The following ZNF521 variants were observed in gnomAD, a reference collection of about 807,000 sequenced individuals.
The protein encoded by ZNF521 is zinc finger protein 521, also known as LYST-interacting protein 3.
In ZNF521, 14 loss-of-function variants were observed where a neutral mutation model predicts 105.5. The ratio of observed to expected loss-of-function variants is 0.13; its 90% confidence interval spans 0.09 to 0.21. The LOEUF is 0.21. ZNF521 is among the 10% of genes least tolerant of loss of function. ZNF521 has a pLI of 1.00. For synonymous variants in ZNF521, 635 were observed against 606.0 expected, an observed-to-expected ratio of 1.05 and a Z score of -0.70; for missense variants, 1,233 against 1,629.7, an observed-to-expected ratio of 0.76 and a Z score of 4.19.
At chr18:25,171,841 C>A (rs2035454365) in intron 5 of ZNF521, among the ~76,000 whole-genome samples, 1 of 152,060 alleles carries the variant, frequency 6.6e-6, no homozygotes, top group Admixed American at 6.6e-5. Flanking sequence ...ACAATCTTGG[C>A]ATTCTCTGGC....
rs374855508 is a variant in ZNF521, at chr18:25,062,662, T to C, written c.*50A>G. The C allele has an allele frequency of 1.2e-5, 18 of 1,561,278 alleles. No homozygotes were observed. Among genetic ancestry groups the C allele is most frequent in the Non-Finnish European group, 1.6e-5 (18 of 1,160,970 alleles). On this transcript the variant is annotated 3_prime_UTR_variant, in exon 8 of 8. Transcript: ENST00000361524. The stretch of plus-strand genomic sequence containing the variant: ...AGTTTCGTGCAAAGAGTAAAACATG[T>C]TCCCTTTTTGTGCCACAAAATCAAT...
intron 2 of ZNF521, among the ~76,000 whole-genome samples, chr18:25,324,848 G>A (rs538107008): frequency 1.3e-5 from 2 of 152,222 alleles, no homozygotes; most frequent in South Asian, 4.2e-4. Context: ...TGATGGCTTC[G>A]CTCTCAAAAG....
intron 5 of ZNF521, among the ~76,000 whole-genome samples, chr18:25,154,978 A>T (rs2035115668): frequency 2.0e-5 from 3 of 152,136 alleles, no homozygotes. Flanking sequence ...ACTGTTTTCT[A>T]TAATGGTTGC....
chr18:25,179,729 C>T (rs1190597553), intron 5 of ZNF521, among the ~76,000 whole-genome samples: 1 of 152,140 alleles, frequency 6.6e-6, no homozygotes, highest in Admixed American at 6.5e-5. Flanking sequence ...GTATTCATTT[C>T]ACTTTTGTAC....
intron 7 of ZNF521, among the ~76,000 whole-genome samples, chr18:25,067,693 T>C (rs945694899): frequency 7.2e-5 from 11 of 152,198 alleles, no homozygotes; most frequent in Non-Finnish European, 1.2e-4. Flanking sequence ...ACATCAATGA[T>C]GAAATTCAGC....
chr18:25,215,146 T>C (rs1354188662), intron 4 of ZNF521, among the ~76,000 whole-genome samples: 1 of 152,104 alleles, frequency 6.6e-6, no homozygotes, highest in Admixed American at 6.6e-5. Flanking sequence ...AATAATGAGG[T>C]AATAGGAAAT....
chr18:25,175,550 A>G (rs2035522792), intron 5 of ZNF521, among the ~76,000 whole-genome samples: 1 of 152,190 alleles, frequency 6.6e-6, no homozygotes, highest in South Asian at 2.1e-4. Context: ...CCTTCCCCTT[A>G]TTGCTGTTAA....
chr18:25,193,451 A>C (rs748053175), intron 5 of ZNF521, among the ~76,000 whole-genome samples: 1 of 152,086 alleles, frequency 6.6e-6, no homozygotes, highest in African/African-American at 2.4e-5. Flanking sequence ...AATTTCCCAT[A>C]AACTGCAGAC....
At chr18:25,149,667 A>T (rs764268930) in intron 5 of ZNF521, among the ~76,000 whole-genome samples, 1 of 152,162 alleles carries the variant, frequency 6.6e-6, no homozygotes, top group African/African-American at 2.4e-5. Flanking sequence ...TAAATTTTGT[A>T]TGACATTTCT....
intron 5 of ZNF521, among the ~76,000 whole-genome samples, chr18:25,116,982 TATAC>T (rs1160542094): frequency 1.5e-4 from 22 of 145,146 alleles, no homozygotes; most frequent in Middle Eastern, 3.6e-3. Flanking sequence ...TGTATATATA[TATAC>T]ACACACACAT....
intron 3 of ZNF521, among the ~76,000 whole-genome samples, chr18:25,316,908 G>A (rs1173910978): frequency 1.4e-5 from 2 of 146,924 alleles, no homozygotes; most frequent in Admixed American, 6.9e-5. Context: ...AGGCTAGAGA[G>A]CAATGACACG....
intron 3 of ZNF521, among the ~76,000 whole-genome samples, chr18:25,256,031 GGT>G (rs1568038253): frequency 6.8e-6 from 1 of 146,134 alleles, no homozygotes; most frequent in Non-Finnish European, 1.5e-5. Context: ...GTATATATAT[GGT>G]ATATATATGA....
At chr18:25,232,288 C>T (rs1160615340) in intron 3 of ZNF521, among the ~76,000 whole-genome samples, 1 of 152,196 alleles carries the variant, frequency 6.6e-6, no homozygotes, top group East Asian at 1.9e-4. Flanking sequence ...AGAATTCTTG[C>T]TACTTACCCT....
chr18:25,188,562 T>C (rs1008808230), intron 5 of ZNF521, among the ~76,000 whole-genome samples: 12 of 152,192 alleles, frequency 7.9e-5, no homozygotes, highest in Non-Finnish European at 1.5e-4. Flanking sequence ...CGGAAATGCT[T>C]TGCAAGCTTC....
intron 5 of ZNF521, among the ~76,000 whole-genome samples, chr18:25,190,108 G>A (rs150981126): frequency 2.2e-3 from 341 of 152,160 alleles, no homozygotes; most frequent in African/African-American, 7.9e-3. Flanking sequence ...GCCCACATGA[G>A]GGTAGCTTTC....
intron 5 of ZNF521, among the ~76,000 whole-genome samples, chr18:25,171,124 G>A (rs2035442048): frequency 6.6e-6 from 1 of 152,122 alleles, no homozygotes; most frequent in African/African-American, 2.4e-5. Flanking sequence ...TTAGGGAAAT[G>A]AGAATCTGAT....
chr18:25,335,426 C>T (rs565821322), intron 2 of ZNF521, among the ~76,000 whole-genome samples: 7 of 152,246 alleles, frequency 4.6e-5, no homozygotes, highest in Non-Finnish European at 7.4e-5. Context: ...ACACTCTGTA[C>T]CTCGCCTAAC....
chr18:25,248,289 T>C (rs1907867957), intron 3 of ZNF521, among the ~76,000 whole-genome samples: 1 of 152,142 alleles, frequency 6.6e-6, no homozygotes, highest in South Asian at 2.1e-4. Context: ...GAATCTGAAA[T>C]ACAACGTTAT....
intron 4 of ZNF521, among the ~76,000 whole-genome samples, chr18:25,206,994 T>C (rs1456993073): frequency 6.6e-6 from 1 of 152,222 alleles, no homozygotes; most frequent in Admixed American, 6.5e-5. Flanking sequence ...GTAGGGTTCT[T>C]TTAACCCCTT....
Sources: gnomAD v4.1 joint callset for allele counts (sites outside exome capture counted in the v4.1 genomes callset) on GRCh38, gnomAD v4.1.1 for gene constraint, MANE v1.5 for transcripts, NCBI Gene and HGNC (gene_info 2026-07-23, HGNC 2026-07-21) for gene names.